COL23A1: variants seen among roughly 807,000 people sequenced by gnomAD.
The protein encoded by COL23A1 is collagen type XXIII alpha 1 chain.
Under a neutral mutation model 99.3 loss-of-function variants are expected in COL23A1, and 97 were observed. The ratio of observed to expected loss-of-function variants is 0.98; its 90% confidence interval spans 0.83 to 1.16. The LOEUF is 1.16. Ranked by LOEUF, COL23A1 falls within the 50% of genes most tolerant of loss-of-function variation. The pLI, the probability that COL23A1 is intolerant of heterozygous loss-of-function variation, is 0.00. For synonymous variants in COL23A1, 320 were observed against 308.2 expected (o/e 1.04, Z -0.40); for missense variants, 762 against 757.4 (o/e 1.01, Z -0.07).
Position 178,247,514 on chromosome 5 carries a change from G to T in COL23A1, c.1296+12C>A. 6.2e-7 allele frequency: 1 copy of T among 1,613,970 alleles called. No homozygotes were observed. The highest frequency in any genetic ancestry group is 8.5e-7 in the Non-Finnish European group (1 of 1,179,826). Reference sequence around the variant, plus strand: ...GAGTCTGAGGCCAGTAGAGGGGTCTGTGCCCACTCACCTTGGGACCCTGGA... The same window carrying T: ...GAGTCTGAGGCCAGTAGAGGGGTCTTTGCCCACTCACCTTGGGACCCTGGA... On this transcript the variant is annotated intron_variant, in intron 22 of 28. Transcript: ENST00000390654.
rs867210476 is a variant in COL23A1, at chr5:178,441,527, G to A, written c.361+119155C>T. Among the ~76,000 whole-genome samples the A allele has an allele frequency of 6.6e-5, 10 of 152,170 alleles. No homozygotes were observed. In the South Asian group the frequency reaches 1.9e-3, roughly 28 times the overall value. ...AGGCCTCTCGGTACAGGCGCACAGG[G>A]GCTTGCTGATGAAGCTGACCCCAAA... On this transcript the variant is annotated intron_variant, in intron 2 of 28. Coordinates refer to ENST00000390654, the MANE Select transcript of COL23A1 (RefSeq NM_173465.4).
chr5:178,274,817 G>A (rs1756495901), intron 5 of COL23A1, among the ~76,000 whole-genome samples: 2 of 152,200 alleles, frequency 1.3e-5, no homozygotes, highest in Admixed American at 6.5e-5. Flanking sequence ...CACTGTGCCT[G>A]GAGATGCTCA....
Position 178,249,119 on chromosome 5 carries a change from G to C in COL23A1, c.1147C>G (p.Pro383Ala). The change falls in exon 19 of 29, where the codon CCG becomes GCG. Residue 383 changes from proline (P) to alanine (A), a missense_variant and splice_region_variant. By Grantham distance (27) the Pro-to-Ala change is conservative. Coordinates refer to ENST00000390654, the MANE Select transcript of COL23A1 (RefSeq NM_173465.4). ...EAGEMGLSGL[P>A]GADGLKGEKG... ...TGTGGCCCAACCCAGCCACATACCGGGAGGCCGGACAAGCCCATCTCGCCT... is the reference window on the plus strand; with the variant it reads ...TGTGGCCCAACCCAGCCACATACCGCGAGGCCGGACAAGCCCATCTCGCCT... 1.2e-6 allele frequency: 2 copies of C among 1,614,144 alleles called. No individual in the cohort carries two copies. The highest frequency in any genetic ancestry group is 1.7e-6 in the Non-Finnish European group (2 of 1,180,000).
chr5:178,261,780 C>A, intron 10 of COL23A1, 32 bp from the exon 11 acceptor site: 1 of 1,573,240 alleles, frequency 6.4e-7, no homozygotes, highest in South Asian at 1.1e-5. Context: ...TGTTAAATGT[C>A]ATACTGGAGG....
At chr5:178,311,563 C>CGTGTGTGTGTGTGTGTGTGTGT (rs933174089) in intron 2 of COL23A1, among the ~76,000 whole-genome samples, 1 of 149,370 alleles carries the variant, frequency 6.7e-6, no homozygotes, top group South Asian at 2.1e-4. Context: ...TGGGTTCTTT[C>CGTGTGTGTGTGTGTGTGTGTGT]GTGTGTGTGT....
chr5:178,244,562 C>T (rs1017566743), intron 25 of COL23A1, among the ~76,000 whole-genome samples: 1 of 152,130 alleles, frequency 6.6e-6, no homozygotes, highest in Non-Finnish European at 1.5e-5. Flanking sequence ...AATTTTCTTT[C>T]TTCTTAGTTT....
chr5:178,535,837 T>C (rs1760908537), intron 2 of COL23A1, among the ~76,000 whole-genome samples: 1 of 152,246 alleles, frequency 6.6e-6, no homozygotes, highest in Admixed American at 6.5e-5. Flanking sequence ...CATCCCGCCA[T>C]GTGGCCCTGA....
At chr5:178,292,343 C>T (rs768658580) in intron 3 of COL23A1, among the ~76,000 whole-genome samples, 11 of 152,198 alleles carry the variant, frequency 7.2e-5, no homozygotes, top group African/African-American at 1.7e-4. Flanking sequence ...GCCCCATCTA[C>T]GGTCCCTCTG....
intron 2 of COL23A1, among the ~76,000 whole-genome samples, chr5:178,500,095 G>T (rs1758438530): frequency 6.6e-6 from 1 of 152,150 alleles, no homozygotes; most frequent in Non-Finnish European, 1.5e-5. Context: ...TTACAAAGAG[G>T]CAGGAGGCAG....
At position 178,488,681 on chromosome 5, in the gene COL23A1, T is replaced by TA. The variant is rs11297354; in HGVS notation, c.361+72000dup. Among the ~76,000 whole-genome samples the TA allele has an allele frequency of 4.6e-3, 617 of 135,166 alleles. 4 individuals carry two copies. The highest frequency in any genetic ancestry group is 7.8e-3 in the African/African-American group (289 of 37,102). The allele number at this position is 135,166 out of a possible 152,430, so 88.7% of individuals were successfully genotyped here. On this transcript the variant is annotated intron_variant, in intron 2 of 28. Coordinates refer to ENST00000390654, the MANE Select transcript of COL23A1 (RefSeq NM_173465.4). ...GCACACATATATGCCTATGACTCTT[T>TA]AAAAAAAAAAAAAACGCTTTGAGGT...
intron 11 of COL23A1, among the ~76,000 whole-genome samples, chr5:178,260,652 G>A (rs1272538360): frequency 2.0e-5 from 3 of 152,168 alleles, no homozygotes; most frequent in Non-Finnish European, 4.4e-5. Context: ...AAATTAGCCA[G>A]GTGTGGTGGC....
At chr5:178,305,045 C>G (rs1016670805) in intron 3 of COL23A1, among the ~76,000 whole-genome samples, 4 of 152,134 alleles carry the variant, frequency 2.6e-5, no homozygotes, top group African/African-American at 9.7e-5. Flanking sequence ...TCCTCATCTC[C>G]TTCCAAAAAG....
At chr5:178,392,623 G>A (rs1022639507) in intron 2 of COL23A1, among the ~76,000 whole-genome samples, 2 of 152,202 alleles carry the variant, frequency 1.3e-5, no homozygotes, top group Non-Finnish European at 2.9e-5. Flanking sequence ...CAGGATGGCA[G>A]GGTCCAGCGG....
chr5:178,501,260 C>G (rs1758518306), intron 2 of COL23A1, among the ~76,000 whole-genome samples: 1 of 152,080 alleles, frequency 6.6e-6, no homozygotes, highest in South Asian at 2.1e-4. Flanking sequence ...AATGAGTAAC[C>G]TGGAAACACT....
intron 2 of COL23A1, among the ~76,000 whole-genome samples, chr5:178,556,157 T>C (rs899557573): frequency 1.3e-5 from 2 of 152,124 alleles, no homozygotes; most frequent in Non-Finnish European, 1.5e-5. Context: ...CATGGCCAGA[T>C]TCTTTCCTGG....
intron 2 of COL23A1, among the ~76,000 whole-genome samples, chr5:178,312,495 C>T (rs1257580440): frequency 6.6e-6 from 1 of 152,160 alleles, no homozygotes; most frequent in Non-Finnish European, 1.5e-5. Context: ...CTGATCAACT[C>T]CAAAGGGGGG....
intron 3 of COL23A1, among the ~76,000 whole-genome samples, chr5:178,296,537 C>T (rs770574520): frequency 3.3e-4 from 51 of 152,256 alleles, no homozygotes; most frequent in Non-Finnish European, 5.3e-4. Context: ...GTGGGAGGAC[C>T]CAGGCCCCCT....
intron 2 of COL23A1, among the ~76,000 whole-genome samples, chr5:178,503,424 G>A (rs544624328): frequency 2.0e-5 from 3 of 152,300 alleles, no homozygotes; most frequent in African/African-American, 7.2e-5. Flanking sequence ...AGGCAGTGCT[G>A]AGGACATATC....
chr5:178,507,107 A>G (rs1276071931), intron 2 of COL23A1, among the ~76,000 whole-genome samples: 1 of 152,230 alleles, frequency 6.6e-6, no homozygotes, highest in African/African-American at 2.4e-5. Context: ...TCAAAATAAA[A>G]GCAAATATGT....
Sources: gnomAD v4.1 joint callset for allele counts (sites outside exome capture counted in the v4.1 genomes callset) on GRCh38, gnomAD v4.1.1 for gene constraint, MANE v1.5 for transcripts, NCBI Gene and HGNC (gene_info 2026-07-23, HGNC 2026-07-21) for gene names.